STAU2: variants seen among roughly 807,000 people sequenced by gnomAD.
STAU2 encodes double-stranded RNA-binding protein Staufen homolog 2.
A neutral mutation model predicts 65.9 loss-of-function variants in STAU2; 20 were observed. That is an observed-to-expected ratio of 0.30 (90% CI 0.21 to 0.44). STAU2 has a LOEUF of 0.44. Ranked by LOEUF, STAU2 falls within the 20% of genes least tolerant of loss-of-function variation. The probability of loss-of-function intolerance (pLI) is 1.00; values close to 1 mark genes in which losing one functional copy is unlikely to be tolerated. For missense variants in STAU2, 558 were observed against 683.9 expected (o/e 0.82, Z 2.05); for synonymous variants, 232 against 233.9 (o/e 0.99, Z 0.07).
At chr8:73,454,808 A>G (rs1040410245) in intron 13 of STAU2, among the ~76,000 whole-genome samples, 1 of 152,216 alleles carries the variant, frequency 6.6e-6, no homozygotes, top group African/African-American at 2.4e-5. Flanking sequence ...ATATTAACAC[A>G]CACAGATCAT....
chr8:73,708,688 A>T (rs1266971285), intron 4 of STAU2, among the ~76,000 whole-genome samples: 2 of 152,162 alleles, frequency 1.3e-5, no homozygotes, highest in African/African-American at 4.8e-5. Flanking sequence ...TTGGGAGCCA[A>T]AGAAAATATA....
At chr8:73,717,091 G>A (rs1821301695) in intron 3 of STAU2, among the ~76,000 whole-genome samples, 1 of 152,062 alleles carries the variant, frequency 6.6e-6, no homozygotes, top group South Asian at 2.1e-4. Flanking sequence ...AACAGAGCAA[G>A]ACTCTGTCTC....
At chr8:73,471,662 T>C (rs951600717) in intron 13 of STAU2, among the ~76,000 whole-genome samples, 1 of 151,122 alleles carries the variant, frequency 6.6e-6, no homozygotes, top group African/African-American at 2.4e-5. Context: ...CTACTAAAAA[T>C]ACAAAATTAG....
chr8:73,653,199 T>C (rs1200874691), intron 6 of STAU2: 1 of 152,186 alleles, frequency 6.6e-6, no homozygotes, highest in East Asian at 1.9e-4. Flanking sequence ...TAGAAACAGA[T>C]GTCTAGGATT....
intron 11 of STAU2, among the ~76,000 whole-genome samples, chr8:73,589,162 T>C (rs1210195044): frequency 6.6e-6 from 1 of 152,162 alleles, no homozygotes. Flanking sequence ...TAACAGTGAC[T>C]ATGGCAATAA....
intron 13 of STAU2, among the ~76,000 whole-genome samples, chr8:73,516,172 T>A (rs1012603738): frequency 6.6e-6 from 1 of 151,944 alleles, no homozygotes; most frequent in Non-Finnish European, 1.5e-5. Context: ...ACTACTGGGC[T>A]CAAGCAGTCT....
chr8:73,627,411 A>T (rs991911077), intron 6 of STAU2, among the ~76,000 whole-genome samples: 3 of 152,052 alleles, frequency 2.0e-5, no homozygotes, highest in Non-Finnish European at 4.4e-5. Context: ...GTTTGCACAC[A>T]TGCTACAGAT....
chr8:73,669,215 G>T, intron 6 of STAU2: 2 of 647,620 alleles, frequency 3.1e-6, no homozygotes, highest in Non-Finnish European at 5.6e-6. Context: ...TTGAAACATG[G>T]CTTGGTAGCT....
chr8:73,452,292 G>A (rs1217833567), intron 13 of STAU2, among the ~76,000 whole-genome samples: 9 of 152,050 alleles, frequency 5.9e-5, no homozygotes, highest in Non-Finnish European at 1.0e-4. Context: ...GAGGGGCTTC[G>A]CTGCACACTT....
intron 13 of STAU2, among the ~76,000 whole-genome samples, chr8:73,502,684 C>G (rs1821832035): frequency 6.6e-6 from 1 of 152,050 alleles, no homozygotes. Flanking sequence ...TTGTGGAAAT[C>G]ACTCCTGCCC....
At chr8:73,736,992 G>C (rs1462191503) in intron 3 of STAU2, among the ~76,000 whole-genome samples, 3 of 152,196 alleles carry the variant, frequency 2.0e-5, no homozygotes, top group African/African-American at 7.2e-5. Context: ...AGCCTCCCAA[G>C]TAGCTGGGAC....
intron 6 of STAU2, among the ~76,000 whole-genome samples, chr8:73,618,839 C>G (rs916123290): frequency 6.6e-6 from 1 of 152,086 alleles, no homozygotes; most frequent in Non-Finnish European, 1.5e-5. Flanking sequence ...TGGGTTTACC[C>G]AAAGACTGGC....
intron 13 of STAU2, among the ~76,000 whole-genome samples, chr8:73,546,131 T>TC (rs1205739580): frequency 5.2e-5 from 7 of 135,204 alleles, no homozygotes; most frequent in Non-Finnish European, 1.1e-4. Flanking sequence ...TTCTTTTTTT[T>TC]TTTTTTTTTT....
At chr8:73,711,396 CA>C (rs1396758081) in intron 3 of STAU2, among the ~76,000 whole-genome samples, 4 of 151,992 alleles carry the variant, frequency 2.6e-5, no homozygotes, top group Non-Finnish European at 4.4e-5. Context: ...AATTTAATAT[CA>C]AAAAGCAAAA....
At chr8:73,724,694 T>A (rs376394732) in intron 3 of STAU2, among the ~76,000 whole-genome samples, 9,847 of 124,868 alleles carry the variant, frequency 0.079, 291 homozygotes, top group Middle Eastern at 0.16. Context: ...TATATATATT[T>A]TTTTTTTTTT....
intron 1 of STAU2, among the ~76,000 whole-genome samples, chr8:73,745,858 A>G (rs1251021742): frequency 6.6e-6 from 1 of 152,084 alleles, no homozygotes; most frequent in Non-Finnish European, 1.5e-5. Flanking sequence ...CCAGAATCCC[A>G]CGGCCATTAC....
intron 13 of STAU2, among the ~76,000 whole-genome samples, chr8:73,539,482 C>T (rs4400376): frequency 0.36 from 54,194 of 151,782 alleles, 11,069 homozygotes; most frequent in Non-Finnish European, 0.46. Flanking sequence ...AATATAATTA[C>T]GCAAAATAAA....
intron 13 of STAU2, among the ~76,000 whole-genome samples, chr8:73,466,070 C>T (rs965591984): frequency 6.6e-6 from 1 of 152,220 alleles, no homozygotes; most frequent in Non-Finnish European, 1.5e-5. Context: ...GGGTCATGCC[C>T]AGATGCTCTC....
intron 13 of STAU2, among the ~76,000 whole-genome samples, chr8:73,546,148 G>GTTTTTTTTTTTTTTTTTTTTTTTTTTTTT (rs1563412799): frequency 1.7e-5 from 2 of 116,460 alleles, no homozygotes; most frequent in Non-Finnish European, 3.2e-5. Flanking sequence ...TTTTTTTTTG[G>GTTTTTTTTTTTTTTTTTTTTTTTTTTTTT]TAGAGACAGA....
Sources: gnomAD v4.1 joint callset for allele counts (sites outside exome capture counted in the v4.1 genomes callset) on GRCh38, gnomAD v4.1.1 for gene constraint, MANE v1.5 for transcripts, NCBI Gene and HGNC (gene_info 2026-07-23, HGNC 2026-07-21) for gene names.